DTNA: variants seen among roughly 807,000 people sequenced by gnomAD.
The protein encoded by DTNA is dystrophin-related protein 3.
DTNA carries 43 observed loss-of-function variants against 100.7 expected under a neutral mutation model. That is an observed-to-expected ratio of 0.43 (90% CI 0.33 to 0.55). The LOEUF is 0.55. DTNA is among the 20% of genes least tolerant of loss of function. The pLI is 0.04. For missense variants in DTNA, 798 were observed against 953.9 expected (o/e 0.84, Z 2.15); for synonymous variants, 349 against 347.9 (o/e 1.00, Z -0.04).
At chr18:34,799,611 G>A (rs116573613) in intron 4 of DTNA, among the ~76,000 whole-genome samples, 51 of 151,576 alleles carry the variant, frequency 3.4e-4, no homozygotes, top group African/African-American at 1.1e-3. Flanking sequence ...TTCTTTGCAC[G>A]TCTTAAATTT....
intron 1 of DTNA, among the ~76,000 whole-genome samples, chr18:34,588,849 A>C (rs1025787964): frequency 6.6e-6 from 1 of 152,130 alleles, no homozygotes; most frequent in Non-Finnish European, 1.5e-5. Context: ...AGTTGAAATC[A>C]TGGTGCACAT....
At position 34,888,081 on chromosome 18, in the gene DTNA, C is replaced by A; in HGVS notation, c.*347C>A. On this transcript the variant is annotated 3_prime_UTR_variant, in exon 23 of 23. Transcript: ENST00000444659. Reference sequence around the variant, plus strand: ...GGTTCATCCCTGGTTAAAAAGCAAACAAACACAGGCTGAAAACCCATGCTG... The same window carrying A: ...GGTTCATCCCTGGTTAAAAAGCAAAAAAACACAGGCTGAAAACCCATGCTG... The A allele has an allele frequency of 2.0e-6, 2 of 985,858 alleles. No individual in the cohort carries two copies. The highest frequency in any genetic ancestry group is 2.4e-6 in the Non-Finnish European group (2 of 829,922). 61.1% of individuals were successfully genotyped at this position (985,858 alleles called of 1,614,324 possible).
intron 17 of DTNA, 84 bp from the exon 18 acceptor site, chr18:34,875,155 T>G: frequency 6.4e-7 from 1 of 1,563,506 alleles, no homozygotes; most frequent in Non-Finnish European, 8.7e-7. Flanking sequence ...ATTGTCACTG[T>G]TTTCAACAAT....
intron 1 of DTNA, among the ~76,000 whole-genome samples, chr18:34,552,399 T>C (rs1055026168): frequency 6.6e-6 from 1 of 152,020 alleles, no homozygotes; most frequent in Non-Finnish European, 1.5e-5. Flanking sequence ...AAATTATACT[T>C]TAAGTTTTAG....
In DTNA at chr18:34,695,985, G is replaced by T. The variant is rs562157353; in HGVS notation, c.-1-59991G>T. Among the ~76,000 whole-genome samples, 3 of 152,210 alleles carry T rather than the reference G, an allele frequency of 2.0e-5. No individual in the cohort carries two copies. The South Asian group carries it at 6.2e-4, about 32-fold the overall frequency. The stretch of plus-strand genomic sequence containing the variant: ...GGCTCTTGCTTTAAAAAGCAATGTA[G>T]AAACAAAGAGAAAAATAGTTAGAAT... On this transcript the variant is annotated intron_variant, in intron 1 of 19. Transcript: ENST00000283365.
intron 1 of DTNA, among the ~76,000 whole-genome samples, chr18:34,521,586 A>G (rs942860279): frequency 1.3e-5 from 2 of 151,938 alleles, no homozygotes; most frequent in Admixed American, 1.3e-4. Context: ...TTCATCTCAT[A>G]TTACTCTATT....
chr18:34,728,460 C>T (rs1431982800), intron 1 of DTNA, among the ~76,000 whole-genome samples: 1 of 152,014 alleles, frequency 6.6e-6, no homozygotes, highest in Non-Finnish European at 1.5e-5. Flanking sequence ...AGTAAAATTT[C>T]CCCACCTAAA....
intron 1 of DTNA, among the ~76,000 whole-genome samples, chr18:34,541,528 G>C (rs2044246072): frequency 6.6e-6 from 1 of 152,006 alleles, no homozygotes; most frequent in Non-Finnish European, 1.5e-5. Context: ...TCTCTTGCCT[G>C]CCACCATGTA....
At chr18:34,534,555 C>T (rs2043485849) in intron 1 of DTNA, among the ~76,000 whole-genome samples, 1 of 151,862 alleles carries the variant, frequency 6.6e-6, no homozygotes, top group African/African-American at 2.4e-5. Flanking sequence ...ATACGTGTTC[C>T]ATGGTGGTTT....
intron 1 of DTNA, among the ~76,000 whole-genome samples, chr18:34,543,996 A>G (rs9958766): frequency 0.016 from 2,506 of 152,212 alleles, 67 homozygotes; most frequent in African/African-American, 0.058. Flanking sequence ...GCAAAGAGTG[A>G]CAGCTGTGAA....
intron 1 of DTNA, among the ~76,000 whole-genome samples, chr18:34,677,673 C>A (rs938128819): frequency 1.3e-5 from 2 of 152,140 alleles, no homozygotes; most frequent in Non-Finnish European, 2.9e-5. Context: ...CTAATCTACT[C>A]CGACTCCAAT....
intron 1 of DTNA, among the ~76,000 whole-genome samples, chr18:34,660,041 G>C (rs976716231): frequency 1.3e-5 from 2 of 152,182 alleles, no homozygotes; most frequent in African/African-American, 4.8e-5. Context: ...TTATCTGAGT[G>C]TACCAAGGAG....
chr18:34,592,467 A>AACACACACACACAC (rs3078085), intron 1 of DTNA, among the ~76,000 whole-genome samples: 1,640 of 139,496 alleles, frequency 0.012, 13 homozygotes, highest in Admixed American at 0.018. Flanking sequence ...ACACTTGTAT[A>AACACACACACACAC]ACACACACAC....
intron 1 of DTNA, among the ~76,000 whole-genome samples, chr18:34,530,816 G>T (rs1601540255): frequency 6.6e-6 from 1 of 152,186 alleles, no homozygotes; most frequent in East Asian, 1.9e-4. Context: ...TAACCATTCT[G>T]CTAATTTCCA....
chr18:34,765,934 C>T (rs1426610608), intron 2 of DTNA, 27 bp from the exon 3 acceptor site: 3 of 1,610,146 alleles, frequency 1.9e-6, no homozygotes, highest in East Asian at 2.2e-5. Flanking sequence ...CATGGCATAC[C>T]TTATGTGTCC....
chr18:34,823,512 TTATAAAGGTCTTATGCAGAAGGAA>T (rs2095779841), intron 9 of DTNA, among the ~76,000 whole-genome samples: 3 of 152,246 alleles, frequency 2.0e-5, no homozygotes, highest in Admixed American at 2.0e-4. Flanking sequence ...ATGACTTAAA[TTATAAAGGTCTTATGCAGAAGGAA>T]TATTGTCATA....
At chr18:34,523,240 CA>C (rs1305095691) in intron 1 of DTNA, among the ~76,000 whole-genome samples, 8 of 152,092 alleles carry the variant, frequency 5.3e-5, no homozygotes, top group Admixed American at 5.2e-4. Context: ...AGAATTTTTC[CA>C]AAACTATTCT....
At position 34,820,904 on chromosome 18, in the gene DTNA, G is replaced by C; in HGVS notation, c.990G>C (p.Leu330Phe). ...ATCAGCCTGAGAAGCCACTCAACTT[G>C]GCTCACATCGTGTGAGTATCCCTAC... ...FPDQPEKPLN[L>F]AHIVPPRPVT... The change falls in exon 9 of 23, where the codon TTG becomes TTC. Residue 330 changes from leucine (L) to phenylalanine (F), a missense_variant. Physicochemically the swap from Leu to Phe is conservative, Grantham distance 22. Coordinates refer to ENST00000444659, the MANE Select transcript of DTNA (RefSeq NM_001386795.1). 6.2e-7 allele frequency: 1 copy of C among 1,613,942 alleles called. No individual in the cohort carries two copies. Among genetic ancestry groups the C allele is most frequent in the Non-Finnish European group, 8.5e-7 (1 of 1,179,968 alleles).
chr18:34,581,656 C>G (rs1339622138), intron 1 of DTNA, among the ~76,000 whole-genome samples: 1 of 140,646 alleles, frequency 7.1e-6, no homozygotes, highest in African/African-American at 2.7e-5. Flanking sequence ...GAGTCTTGCT[C>G]TGTCACCAGG....
Sources: allele counts gnomAD v4.1 joint callset (sites outside exome capture counted in the v4.1 genomes callset), GRCh38; gene constraint gnomAD v4.1.1; transcripts MANE v1.5; gene names NCBI Gene and HGNC (gene_info 2026-07-23, HGNC 2026-07-21).